Variants in PLPPR1 observed in about 807,000 individuals in gnomAD.
PLPPR1 encodes the protein phospholipid phosphatase related 1.
Under a neutral mutation model 33.1 loss-of-function variants are expected in PLPPR1, and 10 were observed. The ratio of observed to expected loss-of-function variants is 0.30; its 90% CI spans 0.19 to 0.51. PLPPR1 has a LOEUF of 0.51. Among genes scored for constraint, PLPPR1 ranks in the 20% least tolerant of loss-of-function variants. The pLI is 0.97. For missense variants in PLPPR1, 304 were observed against 408.1 expected (o/e 0.74, Z 2.20); for synonymous variants, 151 against 151.0 (o/e 1.00, Z 0.00).
rs564207604 is a variant in PLPPR1, at chr9:101,283,862, C to G, written c.253-2242C>G. ...AAATAGACAAAAGACAAATGGCCAA[C>G]AAATATATGAAAAAAAATGCTCAGT... On this transcript the variant is annotated intron_variant, in intron 3 of 7. Coordinates refer to ENST00000374874, the MANE Select transcript of PLPPR1 (RefSeq NM_207299.2). Among the ~76,000 whole-genome samples, 5 of 151,704 alleles carry G rather than the reference C, an allele frequency of 3.3e-5. No individual in the cohort carries two copies. The South Asian group carries it at 1.0e-3, about 32-fold the overall frequency.
intron 1 of PLPPR1, among the ~76,000 whole-genome samples, chr9:101,175,813 A>T (rs571044768): frequency 6.6e-6 from 1 of 152,300 alleles, no homozygotes; most frequent in East Asian, 1.9e-4. Context: ...CATATGTGGT[A>T]CTTCTTCAAA....
intron 3 of PLPPR1, among the ~76,000 whole-genome samples, chr9:101,273,148 T>C (rs1314013225): frequency 6.6e-6 from 1 of 152,232 alleles, no homozygotes; most frequent in Non-Finnish European, 1.5e-5. Flanking sequence ...TAAGATCTTT[T>C]TCTCTTCTGT....
At chr9:101,247,873 A>G (rs907905451) in intron 2 of PLPPR1, among the ~76,000 whole-genome samples, 4 of 152,030 alleles carry the variant, frequency 2.6e-5, no homozygotes, top group African/African-American at 9.7e-5. Context: ...GTCTCTGAAC[A>G]TGCTGAGTGA....
In PLPPR1 at chr9:101,139,136, G is replaced by GA. The variant is rs202127804; in HGVS notation, c.-45-46305dup. On this transcript the variant is annotated intron_variant, in intron 1 of 7. Transcript: ENST00000374874. ...ATAGATTATTTCACAACAAATACAT[G>GA]AAAAAAAAACTACCCATTGCAAAAT... Among the ~76,000 whole-genome samples, 435 of 150,958 alleles carry GA rather than the reference G, an allele frequency of 2.9e-3. 1 individual carries two copies. The highest frequency in any genetic ancestry group is 9.5e-3 in the African/African-American group (392 of 41,136).
intron 1 of PLPPR1, among the ~76,000 whole-genome samples, chr9:101,178,085 A>G (rs1445087997): frequency 6.6e-6 from 1 of 152,222 alleles, no homozygotes; most frequent in African/African-American, 2.4e-5. Context: ...GTGCTTACCA[A>G]TGGGTCACCT....
chr9:101,194,138 T>C (rs965717371), intron 2 of PLPPR1, among the ~76,000 whole-genome samples: 2 of 152,228 alleles, frequency 1.3e-5, no homozygotes, highest in Non-Finnish European at 2.9e-5. Context: ...CGTCTATAAC[T>C]GTTAAGTAAC....
intron 1 of PLPPR1, among the ~76,000 whole-genome samples, chr9:101,086,696 T>C (rs1830680534): frequency 6.6e-6 from 1 of 151,724 alleles, no homozygotes; most frequent in Admixed American, 6.6e-5. Context: ...AGATAACCTT[T>C]ATATCCTTGG....
rs1320176090 is a variant in PLPPR1 at position 101,240,446 on chromosome 9, A to T, written c.64-29434A>T. Reference sequence around the variant, plus strand: ...TCTTTCTCTGAAGAATATCATTGGCATTTTGATTTGGGATTTCATTGCATC... The same window carrying T: ...TCTTTCTCTGAAGAATATCATTGGCTTTTTGATTTGGGATTTCATTGCATC... On this transcript the variant is annotated intron_variant, in intron 2 of 7. Transcript: ENST00000374874. Among the ~76,000 whole-genome samples, 4 of 150,612 alleles carry T rather than the reference A, an allele frequency of 2.7e-5. No homozygotes were observed. In the South Asian group the frequency reaches 8.3e-4, roughly 31 times the overall value.
chr9:101,291,775 C>T (rs1253081958), intron 4 of PLPPR1, among the ~76,000 whole-genome samples: 7 of 152,074 alleles, frequency 4.6e-5, no homozygotes, highest in Non-Finnish European at 5.9e-5. Flanking sequence ...GACATCCACA[C>T]CAAAAACCCA....
chr9:101,180,514 A>T (rs1379426189), intron 1 of PLPPR1, among the ~76,000 whole-genome samples: 1 of 151,750 alleles, frequency 6.6e-6, no homozygotes, highest in Non-Finnish European at 1.5e-5. Flanking sequence ...AACGAAAACA[A>T]CATGGTCCTG....
At chr9:101,029,622 C>G (rs984629810) in intron 1 of PLPPR1, among the ~76,000 whole-genome samples, 4 of 152,196 alleles carry the variant, frequency 2.6e-5, no homozygotes, top group African/African-American at 9.6e-5. Context: ...GCGTCCTAGG[C>G]GCATAGTGGG....
chr9:101,052,527 G>C (rs529447189), intron 1 of PLPPR1, among the ~76,000 whole-genome samples: 2 of 152,106 alleles, frequency 1.3e-5, no homozygotes, highest in African/African-American at 2.4e-5. Flanking sequence ...GCCTCACTTG[G>C]CACATACAAG....
intron 1 of PLPPR1, among the ~76,000 whole-genome samples, chr9:101,067,020 C>T (rs994394214): frequency 3.9e-5 from 6 of 151,994 alleles, no homozygotes; most frequent in Non-Finnish European, 7.4e-5. Context: ...AGAGAATTCT[C>T]ATATGTTAAA....
chr9:101,232,410 G>C (rs968213067), intron 2 of PLPPR1, among the ~76,000 whole-genome samples: 8 of 151,612 alleles, frequency 5.3e-5, no homozygotes, highest in African/African-American at 1.9e-4. Flanking sequence ...ACATGTTATT[G>C]CTCCTAAATT....
At chr9:101,321,459 A>T (rs1000178976) in intron 7 of PLPPR1, among the ~76,000 whole-genome samples, 21 of 152,174 alleles carry the variant, frequency 1.4e-4, no homozygotes, top group African/African-American at 5.1e-4. Flanking sequence ...CAAAAAGTAA[A>T]CAATTATAAA....
chr9:101,192,103 C>T (rs1826306118), intron 2 of PLPPR1, among the ~76,000 whole-genome samples: 2 of 152,274 alleles, frequency 1.3e-5, no homozygotes, highest in African/African-American at 4.8e-5. Context: ...CATATCATCA[C>T]TTTTGGACAT....
At chr9:101,197,011 T>C (rs894446774) in intron 2 of PLPPR1, among the ~76,000 whole-genome samples, 1 of 152,194 alleles carries the variant, frequency 6.6e-6, no homozygotes, top group African/African-American at 2.4e-5. Flanking sequence ...TAGATGACAG[T>C]CATGGTATCA....
At chr9:101,193,036 T>C (rs1355929255) in intron 2 of PLPPR1, among the ~76,000 whole-genome samples, 1 of 152,190 alleles carries the variant, frequency 6.6e-6, no homozygotes, top group Non-Finnish European at 1.5e-5. Context: ...TTAGATGCTC[T>C]TCCAATTGAG....
chr9:101,251,851 G>C (rs1827717372), intron 2 of PLPPR1, among the ~76,000 whole-genome samples: 1 of 152,078 alleles, frequency 6.6e-6, no homozygotes, highest in African/African-American at 2.4e-5. Context: ...GCAAGCTGTA[G>C]AACAGCATGT....
Sources: allele counts gnomAD v4.1 joint callset (sites outside exome capture counted in the v4.1 genomes callset), GRCh38; gene constraint gnomAD v4.1.1; transcripts MANE v1.5; gene names NCBI Gene and HGNC (gene_info 2026-07-23, HGNC 2026-07-21).